Variants in ASIC2 observed in about 807,000 individuals in gnomAD.
ASIC2 encodes the protein acid-sensing ion channel 2.
ASIC2 carries 25 observed loss-of-function variants against 57.3 expected under a neutral mutation model. The ratio of observed to expected loss-of-function variants is 0.44; its 90% CI spans 0.32 to 0.61. ASIC2 has a LOEUF of 0.61. ASIC2 is among the 20% of genes least tolerant of loss of function. ASIC2 has a pLI of 0.06. For missense variants in ASIC2, 641 were observed against 738.1 expected (o/e 0.87, Z 1.52); for synonymous variants, 319 against 307.5 (o/e 1.04, Z -0.39).
intron 1 of ASIC2, among the ~76,000 whole-genome samples, chr17:33,765,632 T>C (rs900062116): frequency 6.6e-5 from 10 of 152,148 alleles, no homozygotes; most frequent in Non-Finnish European, 1.3e-4. Flanking sequence ...AAATCTGAAC[T>C]CTAAGTTTCT....
intron 1 of ASIC2, among the ~76,000 whole-genome samples, chr17:33,874,303 G>C (rs1286845822): frequency 1.3e-5 from 2 of 151,968 alleles, no homozygotes; most frequent in Admixed American, 1.3e-4. Flanking sequence ...CTTCAACTAG[G>C]GCTGCCGGAT....
At position 33,436,850 on chromosome 17, in the gene ASIC2, C is replaced by CTTTTTTTTTTTTTTTTTT. The variant is rs1244300127; in HGVS notation, c.556-324784_556-324783insAAAAAAAAAAAAAAAAAA. 1.2e-4 allele frequency among the ~76,000 whole-genome samples: 9 copies of CTTTTTTTTTTTTTTTTTT among 76,038 alleles called. 4 individuals are homozygous for CTTTTTTTTTTTTTTTTTT. Among genetic ancestry groups the CTTTTTTTTTTTTTTTTTT allele is most frequent in the Non-Finnish European group, 8.2e-5 (3 of 36,466 alleles). The allele number at this position is 76,038 out of a possible 152,430, so 49.9% of individuals were successfully genotyped here. On this transcript the variant is annotated intron_variant, in intron 1 of 9. Transcript: ENST00000359872. ...TGCAATGCCTTAAAACACATTCCAACTTCTTTTTTTTTTTTTTTTTTTTTT... is the reference window on the plus strand; with the variant it reads ...TGCAATGCCTTAAAACACATTCCAACTTTTTTTTTTTTTTTTTTTTCTTTTTTTTTTTTTTTTTTTTTT...
intron 1 of ASIC2, among the ~76,000 whole-genome samples, chr17:33,924,013 C>T (rs1915769211): frequency 6.6e-6 from 1 of 152,248 alleles, no homozygotes; most frequent in African/African-American, 2.4e-5. Flanking sequence ...GTGTGATCTT[C>T]AGCAGGTCTG....
chr17:33,813,808 G>A (rs906533836), intron 1 of ASIC2, among the ~76,000 whole-genome samples: 1 of 151,842 alleles, frequency 6.6e-6, no homozygotes, highest in Admixed American at 6.6e-5. Flanking sequence ...AGATAATTTG[G>A]CATGCTTTAC....
intron 1 of ASIC2, among the ~76,000 whole-genome samples, chr17:33,914,297 G>C (rs772502591): frequency 6.6e-6 from 1 of 152,228 alleles, no homozygotes; most frequent in Non-Finnish European, 1.5e-5. Context: ...CTGTAGGGTG[G>C]TGACTCTGCA....
intron 1 of ASIC2, among the ~76,000 whole-genome samples, chr17:33,703,787 C>T (rs1287926803): frequency 6.6e-6 from 1 of 152,168 alleles, no homozygotes; most frequent in Non-Finnish European, 1.5e-5. Flanking sequence ...TGCTCCCAGA[C>T]TCAGCATGCC....
Position 34,094,179 on chromosome 17 carries a change from T to C in ASIC2, c.555+61799A>G, listed in dbSNP as rs141944207. Among the ~76,000 whole-genome samples, 393 of 152,100 alleles carry C rather than the reference T, an allele frequency of 2.6e-3. 1 individual carries two copies. The highest frequency in any genetic ancestry group is 6.8e-3 in the Middle Eastern group (2 of 294). On this transcript the variant is annotated intron_variant, in intron 1 of 9. Coordinates refer to the ASIC2 transcript ENST00000359872. ...GGAAACCAGGGTCACTCTGGGCAAATAGCAAGTCACAGTAGGACAAAAACC... is the reference window on the plus strand; with the variant it reads ...GGAAACCAGGGTCACTCTGGGCAAACAGCAAGTCACAGTAGGACAAAAACC...
chr17:33,872,592 C>G (rs907378944), intron 1 of ASIC2, among the ~76,000 whole-genome samples: 1 of 152,120 alleles, frequency 6.6e-6, no homozygotes, highest in Non-Finnish European at 1.5e-5. Context: ...TCTGGAGAAT[C>G]TCACACCCCA....
intron 1 of ASIC2, among the ~76,000 whole-genome samples, chr17:33,254,808 T>A (rs1909003711): frequency 6.6e-6 from 1 of 152,176 alleles, no homozygotes; most frequent in Non-Finnish European, 1.5e-5. Context: ...GAAGAAAACA[T>A]GCTAAATATC....
chr17:33,952,081 A>C (rs1359544165), intron 1 of ASIC2, among the ~76,000 whole-genome samples: 3 of 152,208 alleles, frequency 2.0e-5, no homozygotes, highest in Admixed American at 6.5e-5. Flanking sequence ...AAAAAGAGAA[A>C]TAGACCCCAT....
chr17:33,051,710 G>T (rs1410232603), intron 3 of ASIC2, among the ~76,000 whole-genome samples: 1 of 152,140 alleles, frequency 6.6e-6, no homozygotes, highest in Non-Finnish European at 1.5e-5. Flanking sequence ...TCTTGGAGGG[G>T]TTTTATGAGA....
At chr17:33,201,132 G>T (rs556781276) in intron 1 of ASIC2, among the ~76,000 whole-genome samples, 2 of 152,222 alleles carry the variant, frequency 1.3e-5, no homozygotes, top group East Asian at 3.9e-4. Flanking sequence ...CTTAGCACTT[G>T]TTCATCATAC....
chr17:33,878,634 G>C (rs369504041), intron 1 of ASIC2, among the ~76,000 whole-genome samples: 3 of 152,222 alleles, frequency 2.0e-5, no homozygotes, highest in African/African-American at 7.2e-5. Context: ...TGTCTGACTG[G>C]TGTACCTGAA....
In ASIC2 at chr17:33,964,945, C is replaced by A. The variant is rs535052684; in HGVS notation, c.555+191033G>T. On this transcript the variant is annotated intron_variant, in intron 1 of 9. Transcript: ENST00000359872. ...CAAGAGAGAAATGTTGAATTCTTGG[C>A]TAACAGGACAAAGTGCTCACGGACC... Among the ~76,000 whole-genome samples, 32 of 152,306 alleles carry A rather than the reference C, an allele frequency of 2.1e-4. 1 individual carries two copies. The South Asian group carries it at 6.6e-3, about 32-fold the overall frequency.
intron 1 of ASIC2, among the ~76,000 whole-genome samples, chr17:34,094,290 G>A (rs562541603): frequency 1.6e-4 from 25 of 152,252 alleles, no homozygotes; most frequent in South Asian, 6.2e-4. Flanking sequence ...TTAGCCTTAC[G>A]TGATAACAGA....
intron 1 of ASIC2, among the ~76,000 whole-genome samples, chr17:33,868,299 GA>G (rs1214026921): frequency 1.3e-5 from 2 of 152,010 alleles, no homozygotes; most frequent in Admixed American, 6.6e-5. Flanking sequence ...ACTGTGGGAT[GA>G]AAACAGCTAT....
In ASIC2 at chr17:33,757,583, A is replaced by G. The variant is rs542526807; in HGVS notation, c.555+398395T>C. Among the ~76,000 whole-genome samples, 64 of 152,344 alleles carry G rather than the reference A, an allele frequency of 4.2e-4. 1 individual carries two copies. Among genetic ancestry groups the G allele is most frequent in the African/African-American group, 1.3e-3 (56 of 41,580 alleles). On this transcript the variant is annotated intron_variant, in intron 1 of 9. Coordinates refer to the ASIC2 transcript ENST00000359872. ...TTAAGTCCAAACAGGAGGTGGGGGC[A>G]CATAGCTCTCAGCTGACCCCACAAC...
At chr17:33,451,571 A>G (rs1448086139) in intron 1 of ASIC2, among the ~76,000 whole-genome samples, 60 of 152,106 alleles carry the variant, frequency 3.9e-4, no homozygotes, top group Admixed American at 3.9e-3. Flanking sequence ...CGTGACACAA[A>G]ACCAACTATC....
chr17:33,845,908 T>C (rs55771220), intron 1 of ASIC2, among the ~76,000 whole-genome samples: 23,886 of 152,208 alleles, frequency 0.16, 2,132 homozygotes, highest in Middle Eastern at 0.28. Flanking sequence ...AAAACTGCTA[T>C]TAGCATTTAG....
Sources: gnomAD v4.1 joint callset for allele counts (sites outside exome capture counted in the v4.1 genomes callset) on GRCh38, gnomAD v4.1.1 for gene constraint, MANE v1.5 for transcripts, NCBI Gene and HGNC (gene_info 2026-07-23, HGNC 2026-07-21) for gene names.